CENPP: variants seen among roughly 807,000 people sequenced by gnomAD.
The protein encoded by CENPP is centromere protein P.
A neutral mutation model predicts 35.6 loss-of-function variants in CENPP; 24 were observed. The observed-to-expected ratio is 0.67, with a 90% CI of 0.49 to 0.95. The LOEUF is 0.95. Ranked by LOEUF, CENPP falls within the 40% of genes least tolerant of loss-of-function variation. CENPP has a pLI of 0.00. For synonymous variants in CENPP, 120 were observed against 125.5 expected, an observed-to-expected ratio of 0.96 and a Z score of 0.29; for missense variants, 332 against 345.3, an observed-to-expected ratio of 0.96 and a Z score of 0.31.
chr9:92,379,929 C>T, intron 5 of CENPP, 70 bp downstream of exon 5: 4 of 948,896 alleles, frequency 4.2e-6, no homozygotes. Flanking sequence ...GAATTCATCC[C>T]TAACATCCTT....
At chr9:92,361,488 A>G (rs1383328915) in intron 4 of CENPP, among the ~76,000 whole-genome samples, 1 of 61,382 alleles carries the variant, frequency 1.6e-5, no homozygotes. Flanking sequence ...ATTTTATTTT[A>G]TTTTATTTTG....
At chr9:92,576,862 C>T (rs1401875918) in intron 5 of CENPP, among the ~76,000 whole-genome samples, 2 of 152,082 alleles carry the variant, frequency 1.3e-5, no homozygotes, top group East Asian at 3.9e-4. Context: ...ACAGACAACT[C>T]AGTATGAAAA....
At chr9:92,382,999 C>A (rs1317799392) in intron 5 of CENPP, among the ~76,000 whole-genome samples, 1 of 148,796 alleles carries the variant, frequency 6.7e-6, no homozygotes, top group African/African-American at 2.5e-5. Flanking sequence ...CCTGGTCAAG[C>A]GATTCTCCTG....
intron 5 of CENPP, among the ~76,000 whole-genome samples, chr9:92,516,328 G>C (rs548250125): frequency 6.1e-4 from 93 of 152,240 alleles, no homozygotes; most frequent in African/African-American, 2.1e-3. Context: ...CTCCCAAAGT[G>C]CTGGGATTAC....
chr9:92,468,608 T>C (rs890689692), intron 5 of CENPP, among the ~76,000 whole-genome samples: 20 of 152,200 alleles, frequency 1.3e-4, no homozygotes, highest in Admixed American at 1.3e-3. Context: ...GTCTAAAAAA[T>C]AGTTTGATTC....
intron 5 of CENPP, among the ~76,000 whole-genome samples, chr9:92,481,757 C>T (rs1433562732): frequency 6.6e-6 from 1 of 151,772 alleles, no homozygotes. Context: ...CTTTTCAGTG[C>T]CATTTCATTA....
rs375746253 is a variant in CENPP at position 92,613,124 on chromosome 9, C to T, written c.842C>T (p.Ser281Leu). The T allele has an allele frequency of 1.6e-4, 261 of 1,614,154 alleles. 3 individuals are homozygous for T. In the South Asian group the frequency reaches 2.2e-3, roughly 13 times the overall value. ...GCTGCTCTGGAAAGCCTGATAAAAT[C>T]GCTTTGTGCAGAGGAGAACAACTAG... ...IEAALESLIK[S>L]LCAEENN Residue 281 changes from serine (S) to leucine (L), a missense_variant, in exon 8 of 8, where the codon TCG (serine) becomes TTG (leucine). Transcript: ENST00000375587.
At chr9:92,407,253 C>T (rs146737629) in intron 5 of CENPP, among the ~76,000 whole-genome samples, 2 of 152,292 alleles carry the variant, frequency 1.3e-5, no homozygotes, top group Non-Finnish European at 2.9e-5. Flanking sequence ...ACTGATACTA[C>T]ATAACCCAAA....
At chr9:92,347,515 C>A (rs1271203358) in intron 4 of CENPP, among the ~76,000 whole-genome samples, 1 of 152,182 alleles carries the variant, frequency 6.6e-6, no homozygotes, top group African/African-American at 2.4e-5. Context: ...GTGTAAGTTA[C>A]CTCTCCTTTT....
rs368557850 is a variant in CENPP at position 92,616,012 on chromosome 9, G to C, written c.*2863G>C. ...CAAGGTCCAGCACAGACACGGAAAA[G>C]GCAAACCTGGACCTCGATGAAGGGA... On this transcript the variant is annotated 3_prime_UTR_variant, in exon 8 of 8. Coordinates refer to ENST00000375587, the MANE Select transcript of CENPP (RefSeq NM_001012267.3). 2 of 1,614,034 alleles carry C rather than the reference G, an allele frequency of 1.2e-6. No individual in the cohort carries two copies. The highest frequency in any genetic ancestry group is 1.7e-6 in the Non-Finnish European group (2 of 1,180,040).
chr9:92,509,816 G>T (rs1436049811), intron 5 of CENPP: 4 of 1,349,540 alleles, frequency 3.0e-6, no homozygotes, highest in African/African-American at 3.0e-5. Flanking sequence ...TATTCATTTG[G>T]CAATACAGTA....
intron 5 of CENPP, among the ~76,000 whole-genome samples, chr9:92,388,848 A>G (rs1357762746): frequency 6.6e-6 from 1 of 151,862 alleles, no homozygotes; most frequent in African/African-American, 2.4e-5. Flanking sequence ...AAAAAAAAAA[A>G]AGGTGTATCT....
intron 5 of CENPP, chr9:92,495,259 A>G (rs117472687): frequency 0.048 from 36,242 of 753,344 alleles, 998 homozygotes; most frequent in South Asian, 0.07. Flanking sequence ...AAAGAAGTCA[A>G]CATAGTTTCT....
intron 5 of CENPP, among the ~76,000 whole-genome samples, chr9:92,541,986 G>T (rs1332723569): frequency 2.0e-5 from 3 of 152,032 alleles, no homozygotes; most frequent in Non-Finnish European, 4.4e-5. Flanking sequence ...TAGAGATGGG[G>T]TTTCATTATC....
intron 5 of CENPP, among the ~76,000 whole-genome samples, chr9:92,520,159 T>C (rs904362663): frequency 1.3e-5 from 2 of 151,258 alleles, no homozygotes; most frequent in Non-Finnish European, 2.9e-5. Flanking sequence ...TGGTGCATTC[T>C]TGTAGTCCCA....
At chr9:92,574,034 C>T (rs1850218952) in intron 5 of CENPP, among the ~76,000 whole-genome samples, 1 of 152,114 alleles carries the variant, frequency 6.6e-6, no homozygotes, top group Non-Finnish European at 1.5e-5. Context: ...ATTCCTTGAC[C>T]CCTTGCACTT....
At chr9:92,385,430 G>T in intron 5 of CENPP, 1 of 514,502 alleles carries the variant, frequency 1.9e-6, no homozygotes, top group Non-Finnish European at 3.4e-6. Context: ...ACTTTGTTTC[G>T]AACGTAGACA....
chr9:92,373,435 C>G (rs1348579224), intron 4 of CENPP, among the ~76,000 whole-genome samples: 1 of 152,046 alleles, frequency 6.6e-6, no homozygotes, highest in African/African-American at 2.4e-5. Context: ...TTTAAAAATA[C>G]CAATCTCTTT....
At chr9:92,333,734 T>C (rs1391599684) in intron 2 of CENPP, among the ~76,000 whole-genome samples, 6 of 152,178 alleles carry the variant, frequency 3.9e-5, no homozygotes, top group Non-Finnish European at 7.4e-5. Flanking sequence ...TTTTTGTTTG[T>C]TTTATTTTTT....
Sources: allele counts gnomAD v4.1 joint callset (sites outside exome capture counted in the v4.1 genomes callset), GRCh38; gene constraint gnomAD v4.1.1; transcripts MANE v1.5; gene names NCBI Gene and HGNC (gene_info 2026-07-23, HGNC 2026-07-21).